The following ANKIB1 variants were observed in gnomAD, a reference collection of about 807,000 sequenced individuals.
ANKIB1 encodes the protein ankyrin repeat and IBR domain containing 1, also known as ankyrin repeat and IBR domain-containing protein 1.
In ANKIB1, 43 loss-of-function variants were observed where a neutral mutation model predicts 122.1. The observed-to-expected ratio is 0.35, with a 90% CI of 0.28 to 0.45. The LOEUF (loss-of-function observed/expected upper bound fraction) is 0.45. Among genes scored for constraint, ANKIB1 ranks in the 20% least tolerant of loss-of-function variants. The probability of loss-of-function intolerance (pLI) is 1.00; values close to 1 mark genes in which losing one functional copy is unlikely to be tolerated. For missense variants in ANKIB1, 992 were observed against 1,329.5 expected, an observed-to-expected ratio of 0.75 and a Z score of 3.95; for synonymous variants, 390 against 442.0, an observed-to-expected ratio of 0.88 and a Z score of 1.48.
chr7:92,252,919 T>G (rs549797772), intron 1 of ANKIB1, among the ~76,000 whole-genome samples: 2 of 150,164 alleles, frequency 1.3e-5, no homozygotes, highest in African/African-American at 4.9e-5. Flanking sequence ...TTGTGGGTTG[T>G]TTTTTTTTGT....
chr7:92,294,048 A>G (rs1327880677), intron 1 of ANKIB1, among the ~76,000 whole-genome samples: 3 of 152,208 alleles, frequency 2.0e-5, no homozygotes, highest in Non-Finnish European at 4.4e-5. Context: ...TAACTTGCTT[A>G]AAATTACATA....
At chr7:92,279,284 G>A (rs1465105095) in intron 1 of ANKIB1, among the ~76,000 whole-genome samples, 1 of 152,186 alleles carries the variant, frequency 6.6e-6, no homozygotes, top group African/African-American at 2.4e-5. Context: ...GGGGACCCCT[G>A]CCCTAAAGGG....
At chr7:92,331,268 CTTTT>C (rs1438187815) in intron 5 of ANKIB1, among the ~76,000 whole-genome samples, 4 of 135,712 alleles carry the variant, frequency 2.9e-5, no homozygotes, top group Admixed American at 7.4e-5. Flanking sequence ...AACATCACTT[CTTTT>C]TTTTTTTTTT....
At chr7:92,291,573 T>TC (rs1236590539) in intron 1 of ANKIB1, among the ~76,000 whole-genome samples, 10 of 146,302 alleles carry the variant, frequency 6.8e-5, no homozygotes, top group African/African-American at 2.0e-4. Flanking sequence ...TTTTCTTTTT[T>TC]TTTTTTTTTT....
chr7:92,369,456 A>G (rs1804182387), intron 10 of ANKIB1, among the ~76,000 whole-genome samples: 1 of 152,170 alleles, frequency 6.6e-6, no homozygotes, highest in African/African-American at 2.4e-5. Flanking sequence ...CTAGGCTCCA[A>G]CAGAGGACTG....
At chr7:92,395,621 C>G (rs1373626877) in intron 17 of ANKIB1, among the ~76,000 whole-genome samples, 2 of 150,166 alleles carry the variant, frequency 1.3e-5, no homozygotes, top group East Asian at 4.0e-4. Context: ...TCACTGCAAC[C>G]TCCACCTCCT....
intron 4 of ANKIB1, among the ~76,000 whole-genome samples, chr7:92,320,258 G>A (rs1802878717): frequency 6.6e-6 from 1 of 152,106 alleles, no homozygotes; most frequent in South Asian, 2.1e-4. Flanking sequence ...CTTCTTATGA[G>A]AGAACCACTT....
chr7:92,384,619 A>G (rs968419234), intron 11 of ANKIB1, among the ~76,000 whole-genome samples: 3 of 152,210 alleles, frequency 2.0e-5, no homozygotes, highest in African/African-American at 7.2e-5. Context: ...AAACCTGACA[A>G]AAACAAGAAA....
Position 92,319,312 on chromosome 7 carries a change from GA to G in ANKIB1, c.487-10del, listed in dbSNP as rs764724085. 23 of 1,535,986 alleles carry G rather than the reference GA, an allele frequency of 1.5e-5. No individual in the cohort carries two copies. In the South Asian group the frequency reaches 2.0e-4, roughly 13 times the overall value. ...TTTGAACCTGTAGTTGCAAGTTTTT[GA>G]AAAAAAACTTTTTTAGCTTTTAGTA... On this transcript the variant is annotated splice_polypyrimidine_tract_variant and intron_variant, in intron 3 of 19. Transcript: ENST00000265742.
At chr7:92,373,318 T>G (rs1355719138) in intron 11 of ANKIB1, among the ~76,000 whole-genome samples, 1 of 152,184 alleles carries the variant, frequency 6.6e-6, no homozygotes, top group Non-Finnish European at 1.5e-5. Flanking sequence ...AAATTTATAG[T>G]TGGCTGCTGA....
At chr7:92,379,895 G>A (rs1221645251) in intron 11 of ANKIB1, among the ~76,000 whole-genome samples, 19 of 152,130 alleles carry the variant, frequency 1.2e-4, no homozygotes, top group Non-Finnish European at 4.4e-5. Context: ...GGGACTGGTC[G>A]GGAAGTGGGT....
intron 11 of ANKIB1, among the ~76,000 whole-genome samples, chr7:92,381,167 G>C (rs1449383166): frequency 6.6e-6 from 1 of 152,152 alleles, no homozygotes; most frequent in South Asian, 2.1e-4. Flanking sequence ...TTAATGAAAT[G>C]ACGCAAGTAG....
chr7:92,330,028 CTT>C (rs1198807866), intron 5 of ANKIB1, among the ~76,000 whole-genome samples: 33 of 152,196 alleles, frequency 2.2e-4, no homozygotes, highest in Non-Finnish European at 4.1e-4. Flanking sequence ...TTTTGGTAGA[CTT>C]TATGACATAA....
At chr7:92,262,137 G>A (rs553247867) in intron 1 of ANKIB1, among the ~76,000 whole-genome samples, 4 of 152,234 alleles carry the variant, frequency 2.6e-5, no homozygotes, top group East Asian at 3.9e-4. Flanking sequence ...TAGATCTATG[G>A]CCTTGGCAAC....
At chr7:92,250,115 T>C (rs765898185) in intron 1 of ANKIB1, among the ~76,000 whole-genome samples, 6 of 152,154 alleles carry the variant, frequency 3.9e-5, no homozygotes, top group Non-Finnish European at 8.8e-5. Context: ...ATAATTTGGC[T>C]GGGTGCAGTG....
In ANKIB1 at chr7:92,367,119, C is replaced by T. The variant is rs578052819; in HGVS notation, c.1487-4358C>T. 2.6e-5 allele frequency among the ~76,000 whole-genome samples: 4 copies of T among 152,092 alleles called. No homozygotes were observed. In the East Asian group the frequency reaches 7.7e-4, roughly 29 times the overall value. On this transcript the variant is annotated intron_variant, in intron 10 of 19. Transcript: ENST00000265742. ...ATACATGGTTACTTCTAGGGAGATC[C>T]CAAAGGGGGTTTTGATTTGGAAAGA...
intron 1 of ANKIB1, among the ~76,000 whole-genome samples, chr7:92,269,102 A>G (rs1020495634): frequency 1.3e-5 from 2 of 152,244 alleles, no homozygotes; most frequent in African/African-American, 2.4e-5. Flanking sequence ...TTATAATACA[A>G]TTGAAAGTAT....
intron 11 of ANKIB1, among the ~76,000 whole-genome samples, chr7:92,372,181 A>G (rs1191803150): frequency 1.3e-5 from 2 of 152,118 alleles, no homozygotes; most frequent in African/African-American, 4.8e-5. Flanking sequence ...TTCTGCATTC[A>G]TGGATTCAGC....
In ANKIB1 at chr7:92,399,030, C is replaced by T; in HGVS notation, c.*81C>T. The T allele has an allele frequency of 7.1e-7, 1 of 1,408,034 alleles. No individual in the cohort carries two copies. Among genetic ancestry groups the T allele is most frequent in the Non-Finnish European group, 9.4e-7 (1 of 1,069,058 alleles). The allele number at this position is 1,408,034 out of a possible 1,614,324, so 87.2% of individuals were successfully genotyped here. ...AGTATGCTTGATAGAGACTTTGATT[C>T]ACTTAATTCCAACTCAGTGATAAAC... On this transcript the variant is annotated 3_prime_UTR_variant, in exon 20 of 20. Transcript: ENST00000265742.
Sources: gnomAD v4.1 joint callset for allele counts (sites outside exome capture counted in the v4.1 genomes callset) on GRCh38, gnomAD v4.1.1 for gene constraint, MANE v1.5 for transcripts, NCBI Gene and HGNC (gene_info 2026-07-23, HGNC 2026-07-21) for gene names.